CUX1: variants seen among roughly 807,000 people sequenced by gnomAD.
CUX1 encodes protein CASP.
CUX1 carries 31 observed loss-of-function variants against 158.8 expected under a neutral mutation model. The ratio of observed to expected loss-of-function variants is 0.20; its 90% confidence interval spans 0.15 to 0.26. CUX1 has a LOEUF of 0.26. Among genes scored for constraint, CUX1 ranks in the 10% least tolerant of loss-of-function variants. CUX1 has a pLI of 1.00. For synonymous variants in CUX1, 879 were observed against 862.1 expected (o/e 1.02, Z -0.34); for missense variants, 1,589 against 2,014.6 (o/e 0.79, Z 4.04).
intron 2 of CUX1, among the ~76,000 whole-genome samples, chr7:102,008,558 G>A (rs1817647692): frequency 6.6e-6 from 1 of 152,122 alleles, no homozygotes; most frequent in Admixed American, 6.6e-5. Flanking sequence ...CAGAGTGCGT[G>A]TCTGTCCTCC....
chr7:102,163,661 A>G (rs764857619), intron 9 of CUX1, among the ~76,000 whole-genome samples: 56 of 152,294 alleles, frequency 3.7e-4, no homozygotes, highest in Non-Finnish European at 6.5e-4. Context: ...TTGTGTAAGT[A>G]TGGGGAGAGA....
intron 2 of CUX1, among the ~76,000 whole-genome samples, chr7:101,947,284 C>T (rs892172888): frequency 6.6e-6 from 1 of 152,058 alleles, no homozygotes; most frequent in East Asian, 1.9e-4. Context: ...GTCTCAGCCA[C>T]TTGGGAGGCT....
chr7:102,059,366 G>A (rs1824510254), intron 3 of CUX1, among the ~76,000 whole-genome samples: 1 of 152,126 alleles, frequency 6.6e-6, no homozygotes, highest in East Asian at 1.9e-4. Flanking sequence ...GGGTACAGTG[G>A]CTCACACCTG....
intron 2 of CUX1, among the ~76,000 whole-genome samples, chr7:101,949,789 C>T (rs1808833878): frequency 6.6e-6 from 1 of 152,028 alleles, no homozygotes; most frequent in South Asian, 2.1e-4. Context: ...ACCTCAGCCT[C>T]CCAAAGTGCT....
intron 14 of CUX1, among the ~76,000 whole-genome samples, chr7:102,266,203 CAAAA>C (rs34666659): frequency 5.9e-5 from 6 of 100,934 alleles, no homozygotes; most frequent in Non-Finnish European, 6.1e-5. Flanking sequence ...GACTCCGTTT[CAAAA>C]AAAAAAAAAA....
intron 2 of CUX1, among the ~76,000 whole-genome samples, chr7:101,954,516 T>C (rs542996450): frequency 5.9e-5 from 9 of 152,302 alleles, no homozygotes; most frequent in African/African-American, 2.2e-4. Context: ...AGTAGAAATA[T>C]GGTTAAAGCT....
At chr7:102,059,322 A>G (rs1206711945) in intron 3 of CUX1, among the ~76,000 whole-genome samples, 3 of 152,024 alleles carry the variant, frequency 2.0e-5, no homozygotes, top group Non-Finnish European at 2.9e-5. Flanking sequence ...GGGCCTCTCT[A>G]GTTTTCCTCT....
intron 1 of CUX1, among the ~76,000 whole-genome samples, chr7:101,896,356 CG>C (rs1801518116): frequency 6.6e-6 from 1 of 152,076 alleles, no homozygotes; most frequent in Non-Finnish European, 1.5e-5. Flanking sequence ...GCACAGTAAG[CG>C]TCGAATCGGT....
At chr7:101,986,219 TG>T (rs1257168573) in intron 2 of CUX1, among the ~76,000 whole-genome samples, 4 of 152,350 alleles carry the variant, frequency 2.6e-5, no homozygotes, top group Admixed American at 2.6e-4. Context: ...AACGAGGCAC[TG>T]GGGTCGGATC....
chr7:102,155,765 T>C (rs561181412), intron 8 of CUX1, among the ~76,000 whole-genome samples: 1 of 152,330 alleles, frequency 6.6e-6, no homozygotes, highest in Non-Finnish European at 1.5e-5. Context: ...TTAGACTATC[T>C]TTGCACAGCA....
intron 3 of CUX1, among the ~76,000 whole-genome samples, chr7:102,038,809 C>A (rs748544940): frequency 6.6e-6 from 1 of 151,916 alleles, no homozygotes; most frequent in Non-Finnish European, 1.5e-5. Flanking sequence ...TAAAAAGTTA[C>A]CCAAGCATGG....
chr7:102,181,400 T>C (rs781797806), intron 11 of CUX1, among the ~76,000 whole-genome samples: 2 of 152,322 alleles, frequency 1.3e-5, no homozygotes, highest in Non-Finnish European at 2.9e-5. Flanking sequence ...TTTCTCTCCA[T>C]TGTCAAGTTA....
At chr7:101,867,176 C>T (rs1183928028) in intron 1 of CUX1, among the ~76,000 whole-genome samples, 17 of 152,162 alleles carry the variant, frequency 1.1e-4, no homozygotes, top group Admixed American at 1.0e-3. Flanking sequence ...GAGATTGTGC[C>T]ACTGCACTCC....
intron 8 of CUX1, among the ~76,000 whole-genome samples, chr7:102,126,177 C>CTG (rs3988138): frequency 0.29 from 39,755 of 135,278 alleles, 6,307 homozygotes; most frequent in East Asian, 0.64. Flanking sequence ...CCATTTCCGG[C>CTG]TGTGTGTGTG....
At chr7:102,142,926 AAAT>A (rs1163738797) in intron 8 of CUX1, among the ~76,000 whole-genome samples, 3 of 152,210 alleles carry the variant, frequency 2.0e-5, no homozygotes, top group Admixed American at 1.3e-4. Flanking sequence ...ATCTATTAAA[AAAT>A]AATAATAATA....
intron 1 of CUX1, among the ~76,000 whole-genome samples, chr7:101,850,421 C>CT (rs545679696): frequency 0.015 from 1,565 of 104,596 alleles, 23 homozygotes; most frequent in African/African-American, 0.037. Flanking sequence ...TTCTTTCTTT[C>CT]TTTTTTTTTT....
At position 102,251,079 on chromosome 7, in the gene CUX1, G is replaced by A; in HGVS notation, c.*2037G>A. ...AGGGATAGACTGCCGGCAGTATTGG[G>A]TATAATTTACAAGATGTAGTTGTCA... On this transcript the variant is annotated 3_prime_UTR_variant, in exon 24 of 24. Transcript: ENST00000292535. The A allele has an allele frequency of 2.0e-6, 2 of 985,194 alleles. No individual in the cohort carries two copies. Among genetic ancestry groups the A allele is most frequent in the Non-Finnish European group, 2.4e-6 (2 of 829,848 alleles). The allele number at this position is 985,194 out of a possible 1,614,324, so 61.0% of individuals were successfully genotyped here.
chr7:102,219,880 G>A (rs1041451229), intron 20 of CUX1, among the ~76,000 whole-genome samples: 4 of 152,248 alleles, frequency 2.6e-5, no homozygotes, highest in South Asian at 2.1e-4. Context: ...GGACTGTTCC[G>A]ATGGAGATTC....
chr7:101,923,175 T>G (rs1805166009), intron 2 of CUX1, among the ~76,000 whole-genome samples: 1 of 152,112 alleles, frequency 6.6e-6, no homozygotes, highest in African/African-American at 2.4e-5. Context: ...GGAGACCAGG[T>G]AACCCAGCGT....
Sources: gnomAD v4.1 joint callset for allele counts (sites outside exome capture counted in the v4.1 genomes callset) on GRCh38, gnomAD v4.1.1 for gene constraint, MANE v1.5 for transcripts, NCBI Gene and HGNC (gene_info 2026-07-23, HGNC 2026-07-21) for gene names.